Variants in ERC1 observed in about 807,000 individuals in gnomAD.
The protein encoded by ERC1 is RAB6 interacting protein 2.
In ERC1, 56 loss-of-function variants were observed where a neutral mutation model predicts 132.0. The observed-to-expected ratio is 0.42, with a 90% CI of 0.34 to 0.53. The LOEUF (loss-of-function observed/expected upper bound fraction) is 0.53, where lower values mean the gene tolerates loss of function less well. Among genes scored for constraint, ERC1 ranks in the 20% least tolerant of loss-of-function variants. The pLI is 0.03. For missense variants in ERC1, 1,202 were observed against 1,349.9 expected (o/e 0.89, Z 1.72); for synonymous variants, 478 against 476.1 (o/e 1.00, Z -0.05).
At chr12:1,412,715 C>G (rs1215509720) in intron 17 of ERC1, among the ~76,000 whole-genome samples, 3 of 152,106 alleles carry the variant, frequency 2.0e-5, no homozygotes, top group Non-Finnish European at 2.9e-5. Context: ...GCCCCAGTTC[C>G]TTTATCCAAA....
intron 2 of ERC1, among the ~76,000 whole-genome samples, chr12:1,071,616 A>G (rs1472187498): frequency 6.6e-6 from 1 of 151,978 alleles, no homozygotes; most frequent in Non-Finnish European, 1.5e-5. Context: ...TAACAGTTAT[A>G]TGTGGCATGC....
At chr12:1,400,019 G>A (rs763744071) in intron 16 of ERC1, among the ~76,000 whole-genome samples, 6 of 151,716 alleles carry the variant, frequency 4.0e-5, no homozygotes, top group Non-Finnish European at 5.9e-5. Flanking sequence ...ATATATGACC[G>A]TCCCTACACA....
intron 18 of ERC1, among the ~76,000 whole-genome samples, chr12:1,477,800 A>C (rs889635125): frequency 1.3e-5 from 2 of 152,190 alleles, no homozygotes; most frequent in Admixed American, 1.3e-4. Flanking sequence ...ACCTGACCTC[A>C]AACACCACAG....
At chr12:1,418,585 CTTTCTCTTTCTTTCTTTCTTTCTT>C (rs1207679888) in intron 17 of ERC1, among the ~76,000 whole-genome samples, 23 of 96,588 alleles carry the variant, frequency 2.4e-4, no homozygotes, top group African/African-American at 6.7e-4. Context: ...TTCTTTCTTT[CTTTCTCTTTCTTTCTTTCTTTCTT>C]TCTTTCTTTC....
At chr12:1,133,706 G>C (rs1948991093) in intron 7 of ERC1, among the ~76,000 whole-genome samples, 1 of 152,122 alleles carries the variant, frequency 6.6e-6, no homozygotes, top group Non-Finnish European at 1.5e-5. Context: ...ATATAATACA[G>C]CATTATTAAT....
chr12:1,143,139 A>G (rs1253301972), intron 8 of ERC1, among the ~76,000 whole-genome samples: 1 of 152,164 alleles, frequency 6.6e-6, no homozygotes, highest in African/African-American at 2.4e-5. Context: ...CATGGCCTCA[A>G]GCGAGCCACC....
At chr12:1,158,990 T>G (rs937848612) in intron 8 of ERC1, among the ~76,000 whole-genome samples, 3 of 152,238 alleles carry the variant, frequency 2.0e-5, no homozygotes, top group African/African-American at 4.8e-5. Flanking sequence ...GGCATATCTC[T>G]CCTTGATAGT....
At position 1,460,958 on chromosome 12, in the gene ERC1, C is replaced by CTTTTTTTTTTTTTTTTTTTTT. The variant is rs35505633; in HGVS notation, c.3213+16211_3213+16231dup. On this transcript the variant is annotated intron_variant, in intron 18 of 18. Coordinates refer to ENST00000360905, the MANE Select transcript of ERC1 (RefSeq NM_178040.4). ...GACTTGCCTAAACGATGAGGAGGCC[C>CTTTTTTTTTTTTTTTTTTTTT]TTTTTTTTTTTTTTTTTTTTTTTCA... is the stretch of plus-strand genomic sequence containing the variant. Among the ~76,000 whole-genome samples, 26 of 64,956 alleles carry CTTTTTTTTTTTTTTTTTTTTT rather than the reference C, an allele frequency of 4.0e-4. 4 individuals are homozygous for CTTTTTTTTTTTTTTTTTTTTT. Among genetic ancestry groups the CTTTTTTTTTTTTTTTTTTTTT allele is most frequent in the African/African-American group, 1.5e-3 (24 of 16,526 alleles). 42.6% of individuals were successfully genotyped at this position (64,956 alleles called of 152,430 possible). A position where few individuals can be genotyped will look rare whatever the true frequency, so the allele number is the denominator to read the frequency against.
intron 4 of ERC1, among the ~76,000 whole-genome samples, chr12:1,109,133 G>T (rs187024067): frequency 2.1e-4 from 32 of 152,280 alleles, no homozygotes; most frequent in African/African-American, 7.0e-4. Context: ...ATTCCATGTA[G>T]GAGTCTTTCT....
At chr12:1,440,297 T>G (rs12311764) in intron 17 of ERC1, among the ~76,000 whole-genome samples, 13 of 140,964 alleles carry the variant, frequency 9.2e-5, no homozygotes, top group East Asian at 4.4e-4. Flanking sequence ...CTCCGCCTCC[T>G]GGGTTCACGC....
At chr12:1,061,902 A>T (rs1233415668) in intron 2 of ERC1, among the ~76,000 whole-genome samples, 2 of 144,062 alleles carry the variant, frequency 1.4e-5, no homozygotes, top group African/African-American at 5.2e-5. Flanking sequence ...TGATATAAGT[A>T]TTTATTGCTG....
At chr12:1,290,141 C>T in intron 15 of ERC1, 129 bp downstream of exon 15, 1 of 745,828 alleles carries the variant, frequency 1.3e-6, no homozygotes, top group Non-Finnish European at 2.2e-6. Flanking sequence ...TTGTATTTCT[C>T]ACTCTCTAGA....
chr12:1,043,826 C>T (rs928269053), intron 2 of ERC1, among the ~76,000 whole-genome samples: 3 of 120,994 alleles, frequency 2.5e-5, no homozygotes, highest in Non-Finnish European at 4.0e-5. Context: ...AGCACTTCAA[C>T]AGCAACATTG....
chr12:1,253,954 A>G (rs935946383), intron 13 of ERC1, among the ~76,000 whole-genome samples: 2 of 152,180 alleles, frequency 1.3e-5, no homozygotes, highest in Non-Finnish European at 2.9e-5. Context: ...TCCCTCTACC[A>G]GACCCCTCAA....
At chr12:1,212,661 A>G (rs1038791230) in intron 12 of ERC1, among the ~76,000 whole-genome samples, 2 of 152,264 alleles carry the variant, frequency 1.3e-5, no homozygotes, top group East Asian at 3.9e-4. Flanking sequence ...GAAAAGGAAA[A>G]GGGGGAAACA....
At chr12:1,030,053 T>G (rs1967717240) in intron 2 of ERC1, among the ~76,000 whole-genome samples, 1 of 152,194 alleles carries the variant, frequency 6.6e-6, no homozygotes, top group Non-Finnish European at 1.5e-5. Context: ...GCCCATACTT[T>G]TTGTTTAAAA....
chr12:1,323,446 ATTATAT>A (rs1232824593), intron 15 of ERC1, among the ~76,000 whole-genome samples: 1 of 152,212 alleles, frequency 6.6e-6, no homozygotes, highest in Admixed American at 6.5e-5. Flanking sequence ...ATCTATATAA[ATTATAT>A]TTCAGAATAA....
chr12:1,288,886 G>T (rs1172900963), intron 14 of ERC1, among the ~76,000 whole-genome samples: 2 of 152,046 alleles, frequency 1.3e-5, no homozygotes, highest in African/African-American at 4.8e-5. Context: ...TTCTGATTTG[G>T]TAGCCACCTG....
At chr12:1,250,080 A>G (rs1426780113) in intron 13 of ERC1, among the ~76,000 whole-genome samples, 1 of 152,176 alleles carries the variant, frequency 6.6e-6, no homozygotes, top group African/African-American at 2.4e-5. Flanking sequence ...TGCACCTGGC[A>G]TTTGGAGCCT....
Sources: allele counts gnomAD v4.1 joint callset (sites outside exome capture counted in the v4.1 genomes callset), GRCh38; gene constraint gnomAD v4.1.1; transcripts MANE v1.5; gene names NCBI Gene and HGNC (gene_info 2026-07-23, HGNC 2026-07-21).